SOX5: variants seen among roughly 807,000 people sequenced by gnomAD.
SOX5 encodes the protein SRY-box transcription factor 5.
SOX5 carries 9 observed loss-of-function variants against 92.0 expected under a neutral mutation model. The observed-to-expected ratio is 0.10, with a 90% CI of 0.06 to 0.17. SOX5 has a LOEUF of 0.17. SOX5 is among the 10% of genes least tolerant of loss of function. SOX5 has a pLI of 1.00. For synonymous variants in SOX5, 344 were observed against 336.3 expected (o/e 1.02, Z -0.25); for missense variants, 642 against 944.5 (o/e 0.68, Z 4.20).
chr12:24,537,251 A>G lies in SOX5; in HGVS notation c.-251+25078T>C, dbSNP rs192207627. On this transcript the variant is annotated intron_variant, in intron 1 of 4. Transcript: ENST00000446891. ...CTGCAACTGGTAACATGGAAAAATAAAACAGCTGATAAGAACAACCAAAGT... is the reference window on the plus strand; with the variant it reads ...CTGCAACTGGTAACATGGAAAAATAGAACAGCTGATAAGAACAACCAAAGT... 9.7e-4 allele frequency among the ~76,000 whole-genome samples: 148 copies of G among 152,318 alleles called. 2 individuals carry two copies. Among genetic ancestry groups the G allele is most frequent in the African/African-American group, 3.5e-3 (146 of 41,574 alleles).
At chr12:23,802,302 G>A (rs892506069) in intron 3 of SOX5, among the ~76,000 whole-genome samples, 3 of 151,878 alleles carry the variant, frequency 2.0e-5, no homozygotes, top group Admixed American at 2.0e-4. Flanking sequence ...GGATGGTCTC[G>A]ATCTCCTGAC....
intron 3 of SOX5, among the ~76,000 whole-genome samples, chr12:23,783,854 G>A (rs969160790): frequency 1.3e-5 from 2 of 152,102 alleles, no homozygotes; most frequent in South Asian, 2.1e-4. Context: ...AATTTACCAC[G>A]TAGATTCCCA....
chr12:23,768,210 T>C (rs1008982109), intron 3 of SOX5, among the ~76,000 whole-genome samples: 58 of 152,226 alleles, frequency 3.8e-4, no homozygotes, highest in African/African-American at 1.3e-3. Context: ...ATGCGTCCAA[T>C]AAAATAAGAG....
At chr12:23,719,339 TTAA>T (rs1416612518) in intron 6 of SOX5, among the ~76,000 whole-genome samples, 5 of 152,194 alleles carry the variant, frequency 3.3e-5, no homozygotes, top group South Asian at 4.1e-4. Flanking sequence ...TAAATACCAT[TTAA>T]TAATGATAGT....
intron 2 of SOX5, among the ~76,000 whole-genome samples, chr12:23,847,011 C>A (rs1434647670): frequency 6.6e-6 from 1 of 151,976 alleles, no homozygotes; most frequent in Non-Finnish European, 1.5e-5. Context: ...AGTCTATTGT[C>A]ATTTTCTCAC....
intron 1 of SOX5, among the ~76,000 whole-genome samples, chr12:24,392,318 G>T (rs7297867): frequency 0.024 from 3,642 of 152,146 alleles, 69 homozygotes; most frequent in East Asian, 0.048. Flanking sequence ...GACTTACAAT[G>T]GGCTTCCCAT....
At chr12:24,355,847 G>A (rs186525413) in intron 2 of SOX5, among the ~76,000 whole-genome samples, 64 of 152,176 alleles carry the variant, frequency 4.2e-4, no homozygotes, top group Admixed American at 3.5e-3. Flanking sequence ...TCCCTTTTAC[G>A]AAACAGAAAT....
At chr12:24,345,511 A>T (rs189007765) in intron 2 of SOX5, among the ~76,000 whole-genome samples, 256 of 152,322 alleles carry the variant, frequency 1.7e-3, no homozygotes, top group African/African-American at 6.0e-3. Context: ...CAAACTATTT[A>T]AAAGCTCGTT....
intron 3 of SOX5, among the ~76,000 whole-genome samples, chr12:23,835,135 G>C (rs1393436299): frequency 2.0e-5 from 3 of 151,608 alleles, no homozygotes; most frequent in Admixed American, 1.3e-4. Flanking sequence ...AGACACTGAG[G>C]GATAGTCATC....
At chr12:24,234,197 G>A (rs1179580955) in intron 3 of SOX5, among the ~76,000 whole-genome samples, 1 of 152,088 alleles carries the variant, frequency 6.6e-6, no homozygotes, top group Non-Finnish European at 1.5e-5. Context: ...TAATTGAGAA[G>A]GCAAATATTT....
At chr12:23,718,240 T>A (rs927344213) in intron 6 of SOX5, among the ~76,000 whole-genome samples, 2 of 152,158 alleles carry the variant, frequency 1.3e-5, no homozygotes, top group East Asian at 3.9e-4. Context: ...AAAAAATAAA[T>A]AAAATGGTGT....
intron 3 of SOX5, among the ~76,000 whole-genome samples, chr12:24,225,847 A>T (rs1186497026): frequency 6.6e-6 from 1 of 152,254 alleles, no homozygotes; most frequent in Admixed American, 6.5e-5. Flanking sequence ...AGTAGAAAAA[A>T]TGATTAATAG....
intron 2 of SOX5, among the ~76,000 whole-genome samples, chr12:24,296,953 ACAC>A (rs1947339586): frequency 6.6e-6 from 1 of 151,868 alleles, no homozygotes; most frequent in Non-Finnish European, 1.5e-5. Flanking sequence ...ACACACACAC[ACAC>A]ACACAAACAC....
chr12:24,482,340 G>C (rs1946079996), intron 1 of SOX5, among the ~76,000 whole-genome samples: 1 of 152,134 alleles, frequency 6.6e-6, no homozygotes, highest in South Asian at 2.1e-4. Flanking sequence ...GGAAAGAATG[G>C]GGAAATCAGG....
chr12:24,141,738 T>A (rs946937833), intron 4 of SOX5, among the ~76,000 whole-genome samples: 1 of 152,214 alleles, frequency 6.6e-6, no homozygotes, highest in East Asian at 1.9e-4. Flanking sequence ...TGTGCCTTTA[T>A]GCCCAAGGTT....
chr12:23,777,596 C>T (rs1051245302), intron 3 of SOX5, among the ~76,000 whole-genome samples: 1 of 150,982 alleles, frequency 6.6e-6, no homozygotes, highest in Non-Finnish European at 1.5e-5. Context: ...TTTCTTTGCA[C>T]AGTCTAACTT....
intron 1 of SOX5, among the ~76,000 whole-genome samples, chr12:24,491,176 T>C (rs1170245191): frequency 6.6e-6 from 1 of 152,142 alleles, no homozygotes; most frequent in Non-Finnish European, 1.5e-5. Flanking sequence ...ATGGGAAAAT[T>C]ACAGATGACT....
chr12:24,137,018 G>A (rs1022069006), intron 4 of SOX5, among the ~76,000 whole-genome samples: 4 of 152,128 alleles, frequency 2.6e-5, no homozygotes, highest in African/African-American at 7.2e-5. Flanking sequence ...ATAAAGGTCT[G>A]GAACTTTAAA....
chr12:24,307,370 C>G (rs1400401343), intron 2 of SOX5, among the ~76,000 whole-genome samples: 2 of 151,894 alleles, frequency 1.3e-5, no homozygotes, highest in Non-Finnish European at 1.5e-5. Context: ...TACACAGACT[C>G]TGACTCAATA....
Sources: allele counts gnomAD v4.1 joint callset (sites outside exome capture counted in the v4.1 genomes callset), GRCh38; gene constraint gnomAD v4.1.1; transcripts MANE v1.5; gene names NCBI Gene and HGNC (gene_info 2026-07-23, HGNC 2026-07-21).